The following FNDC1 variants were observed in gnomAD, a reference collection of about 807,000 sequenced individuals.
FNDC1 encodes fibronectin type III domain containing 1.
Under a neutral mutation model 168.0 loss-of-function variants are expected in FNDC1, and 96 were observed. The observed-to-expected ratio is 0.57, with a 90% CI of 0.48 to 0.68. FNDC1 has a LOEUF of 0.68. Ranked by LOEUF, FNDC1 falls within the 30% of genes least tolerant of loss-of-function variation. The pLI, the probability that FNDC1 is intolerant of heterozygous loss-of-function variation, is 0.00. For synonymous variants in FNDC1, 1,099 were observed against 1,025.9 expected, an observed-to-expected ratio of 1.07 and a Z score of -1.36; for missense variants, 2,587 against 2,482.1, an observed-to-expected ratio of 1.04 and a Z score of -0.90.
At position 159,239,916 on chromosome 6, in the gene FNDC1, T is replaced by C. The variant is rs756656216; in HGVS notation, c.4580T>C (p.Ile1527Thr). The change falls in exon 14 of 23, where the codon ATA (isoleucine) becomes ACA (threonine). Residue 1527 changes from isoleucine to threonine, a missense_variant. Physicochemically the swap from Ile to Thr is moderately conservative, Grantham distance 89 (BLOSUM62 -1). Coordinates refer to ENST00000297267, the MANE Select transcript of FNDC1 (RefSeq NM_032532.3). The stretch of plus-strand genomic sequence containing the variant: ...CGGCACGACGATGATGGCAACCTGA[T>C]AATGAGCTCCAATGGGATCCCAGAG... ...LERHDDDGNL[I>T]MSSNGIPECY... 2.6e-6 allele frequency: 4 copies of C among 1,517,724 alleles called. No individual in the cohort carries two copies. The South Asian group carries it at 3.8e-5, about 15-fold the overall frequency. The allele number at this position is 1,517,724 out of a possible 1,614,324, so 94.0% of individuals were successfully genotyped here.
chr6:159,234,809 C>G (rs145096868), intron 11 of FNDC1, among the ~76,000 whole-genome samples: 2 of 152,228 alleles, frequency 1.3e-5, no homozygotes, highest in Non-Finnish European at 2.9e-5. Flanking sequence ...TTTCACTGTC[C>G]TACATTGCCT....
At position 159,236,255 on chromosome 6, in the gene FNDC1, T is replaced by C. The variant is rs754647537; in HGVS notation, c.4008T>C (p.Pro1336=). Residue 1336 remains proline (P), a synonymous_variant, in exon 12 of 23, where the codon CCT becomes CCC. Coordinates refer to ENST00000297267, the MANE Select transcript of FNDC1 (RefSeq NM_032532.3). The stretch of plus-strand genomic sequence containing the variant: ...CAAATGTAGAAGGGAAAGTCCTTCC[T>C]GGTAGTAATGGAAAACCGAATGGAC... The part of the protein sequence containing the change: ...GRPNVEGKVL[P]GSNGKPNGQR... 3.1e-6 allele frequency: 5 copies of C among 1,613,828 alleles called. No individual in the cohort carries two copies. The highest frequency in any genetic ancestry group is 4.2e-6 in the Non-Finnish European group (5 of 1,179,778).
At chr6:159,206,282 C>T (rs1170403984) in intron 4 of FNDC1, among the ~76,000 whole-genome samples, 1 of 152,250 alleles carries the variant, frequency 6.6e-6, no homozygotes. Flanking sequence ...CAATCAAAGC[C>T]TTTGGCCAAT....
chr6:159,239,467 C>T, intron 13 of FNDC1, 50 bp from the exon 14 acceptor site: 1 of 1,465,970 alleles, frequency 6.8e-7, no homozygotes, highest in Non-Finnish European at 9.1e-7. Context: ...TTTTTATTTT[C>T]TCTGGATTGC....
chr6:159,249,537 G>GTAC (rs779256157), intron 16 of FNDC1, among the ~76,000 whole-genome samples: 5 of 152,212 alleles, frequency 3.3e-5, no homozygotes, highest in Non-Finnish European at 7.3e-5. Flanking sequence ...CCTTGTGTGT[G>GTAC]TACTGTCTGT....
chr6:159,183,514 C>A (rs1477069627), intron 1 of FNDC1, among the ~76,000 whole-genome samples: 1 of 152,170 alleles, frequency 6.6e-6, no homozygotes, highest in Non-Finnish European at 1.5e-5. Flanking sequence ...AATTCAGGAG[C>A]CTTCCACATA....
Position 159,233,588 on chromosome 6 carries a change from C to G in FNDC1, c.3076C>G (p.Arg1026Gly), listed in dbSNP as rs369526486. 8.8e-6 allele frequency: 14 copies of G among 1,582,128 alleles called. No homozygotes were observed. In the African/African-American group the frequency reaches 1.1e-4, roughly 12 times the overall value. ...GGGACCCCAGAGCAGAGACGCGGGTCGGTCACCTTCCCAGCCCAGGCTCTC... is the reference window on the plus strand; with the variant it reads ...GGGACCCCAGAGCAGAGACGCGGGTGGGTCACCTTCCCAGCCCAGGCTCTC... ...HPGPQSRDAG[R>G]SPSQPRLSLT... is the part of the protein sequence containing the mutation. The change falls in exon 11 of 23, where the codon CGG (arginine) becomes GGG (glycine). Residue 1026 changes from arginine to glycine, a missense_variant. Arg to Gly is a moderately radical substitution (Grantham distance 125). Coordinates refer to ENST00000297267, the MANE Select transcript of FNDC1 (RefSeq NM_032532.3). The surrounding 1 kb of genome is among the most constrained non-coding windows in gnomAD (Gnocchi z 4.6).
At chr6:159,251,204 G>C in intron 16 of FNDC1, 98 bp from the exon 17 acceptor site, 1 of 875,426 alleles carries the variant, frequency 1.1e-6, no homozygotes, top group Non-Finnish European at 1.8e-6. Context: ...AGCAGGAAGA[G>C]ACCGAATGGT....
intron 2 of FNDC1, among the ~76,000 whole-genome samples, chr6:159,198,016 T>C (rs1782287301): frequency 6.6e-6 from 1 of 152,214 alleles, no homozygotes. Flanking sequence ...ATTGGGCAAG[T>C]CGTATGCCCC....
chr6:159,203,022 T>G (rs183146921), intron 4 of FNDC1, among the ~76,000 whole-genome samples: 1 of 152,226 alleles, frequency 6.6e-6, no homozygotes, highest in East Asian at 1.9e-4. Flanking sequence ...GATGGTCACC[T>G]TTTTGCTGTG....
chr6:159,210,130 C>T (rs115378656), intron 4 of FNDC1, among the ~76,000 whole-genome samples: 43 of 152,324 alleles, frequency 2.8e-4, no homozygotes, highest in African/African-American at 8.4e-4. Context: ...CTTGCCAGGG[C>T]GTCCTGGTGC....
chr6:159,235,184 G>A (rs1187615787), intron 11 of FNDC1, among the ~76,000 whole-genome samples: 3 of 152,230 alleles, frequency 2.0e-5, no homozygotes, highest in Non-Finnish European at 4.4e-5. Context: ...GTTGAACAAA[G>A]TCCGCTATGA....
intron 1 of FNDC1, among the ~76,000 whole-genome samples, chr6:159,183,850 G>A (rs975373399): frequency 9.2e-5 from 14 of 152,216 alleles, no homozygotes; most frequent in African/African-American, 2.7e-4. Context: ...GAAATCTTGC[G>A]TTCACAAGAT....
At position 159,233,195 on chromosome 6, in the gene FNDC1, C is replaced by T. The variant is rs760810477; in HGVS notation, c.2683C>T (p.Pro895Ser). Residue 895 changes from proline to serine, a missense_variant, in exon 11 of 23, where the codon CCT becomes TCT. Coordinates refer to ENST00000297267, the MANE Select transcript of FNDC1 (RefSeq NM_032532.3). The surrounding 1 kb of genome is among the most constrained non-coding windows in gnomAD (Gnocchi z 4.6). ...LPATVVNDHVPSSSRQPISRG... is the reference protein window; with the variant it reads ...LPATVVNDHVSSSSRQPISRG... ...TGCCACCGTTGTCAATGACCACGTG[C>T]CTTCCTCCTCCAGGCAGCCCATCTC... The T allele has an allele frequency of 6.8e-6, 11 of 1,612,272 alleles. No individual in the cohort carries two copies. The highest frequency in any genetic ancestry group is 9.3e-6 in the Non-Finnish European group (11 of 1,179,312).
chr6:159,236,100 G>A (rs1436086491), intron 11 of FNDC1, 115 bp from the exon 12 acceptor site: 1 of 655,756 alleles, frequency 1.5e-6, no homozygotes, highest in Non-Finnish European at 2.6e-6. Flanking sequence ...TTAAAATTCT[G>A]TTTAGAGCTT....
rs369519042 is a variant in FNDC1, at chr6:159,234,166, C to T, written c.3654C>T (p.Ser1218=). 1.3e-6 allele frequency: 2 copies of T among 1,598,570 alleles called. No homozygotes were observed. The highest frequency in any genetic ancestry group is 1.7e-6 in the Non-Finnish European group (2 of 1,173,156). ...TPRGGKDADG[S]LAKEEREPAI... ...GGGGCGGCAAAGACGCCGATGGGAGCCTCGCCAAGGAAGAGAGGGAGCCTG... is the reference window on the plus strand; with the variant it reads ...GGGGCGGCAAAGACGCCGATGGGAGTCTCGCCAAGGAAGAGAGGGAGCCTG... Residue 1218 remains serine, a synonymous_variant, in exon 11 of 23, where the codon AGC becomes AGT. Transcript: ENST00000297267.
intron 5 of FNDC1, among the ~76,000 whole-genome samples, chr6:159,217,237 T>C (rs936396458): frequency 7.2e-5 from 11 of 152,134 alleles, no homozygotes; most frequent in African/African-American, 2.4e-4. Context: ...GATGCCGGCC[T>C]GCACAGAGAG....
At chr6:159,202,261 T>C (rs1180456293) in intron 4 of FNDC1, among the ~76,000 whole-genome samples, 1 of 152,120 alleles carries the variant, frequency 6.6e-6, no homozygotes, top group Admixed American at 6.5e-5. Context: ...CCCAGGAATA[T>C]CCAGAATGCA....
In FNDC1 at chr6:159,215,875, G is replaced by A. The variant is rs555172294; in HGVS notation, c.667+724G>A. Among the ~76,000 whole-genome samples, 34 of 152,286 alleles carry A rather than the reference G, an allele frequency of 2.2e-4. 1 individual carries two copies. The South Asian group carries it at 6.6e-3, about 30-fold the overall frequency. On this transcript the variant is annotated intron_variant, in intron 5 of 22. Transcript: ENST00000297267. ...TGATTAGATTGTGCCCACCCAGATT[G>A]AGGGTGCGTCTGCCTTTCCCAGCCC...
Sources: allele counts gnomAD v4.1 joint callset (sites outside exome capture counted in the v4.1 genomes callset), GRCh38; gene constraint gnomAD v4.1.1; non-coding constraint Gnocchi (gnomAD v3.1); transcripts MANE v1.5; gene names NCBI Gene and HGNC (gene_info 2026-07-23, HGNC 2026-07-21).